TASP1: variants seen among roughly 807,000 people sequenced by gnomAD.
TASP1 encodes the protein taspase 1.
A neutral mutation model predicts 56.6 loss-of-function variants in TASP1; 16 were observed. That is an observed-to-expected ratio of 0.28 (90% confidence interval 0.19 to 0.43). The LOEUF (loss-of-function observed/expected upper bound fraction) is 0.43, where lower values mean the gene tolerates loss of function less well. TASP1 is among the 20% of genes least tolerant of loss of function. TASP1 has a pLI of 1.00. For synonymous variants in TASP1, 179 were observed against 184.2 expected (o/e 0.97, Z 0.23); for missense variants, 393 against 511.6 (o/e 0.77, Z 2.24).
At chr20:13,384,198 T>A in the TASP1 span, among the ~76,000 whole-genome samples, 3 of 152,176 alleles carry the variant, frequency 2.0e-5, no homozygotes, top group East Asian at 5.8e-4. Context: ...TTTTTTTCTT[T>A]TAGGCTTCTG....
the TASP1 span, among the ~76,000 whole-genome samples, chr20:13,255,412 G>A: frequency 1.3e-5 from 2 of 151,960 alleles, no homozygotes; most frequent in East Asian, 3.8e-4. Context: ...CCAGAAACTG[G>A]ACAAAAATAA....
chr20:13,264,982 A>G, the TASP1 span, among the ~76,000 whole-genome samples: 1 of 152,198 alleles, frequency 6.6e-6, no homozygotes, highest in East Asian at 1.9e-4. Flanking sequence ...CTAGTGGACA[A>G]GTCACAGCGC....
At chr20:13,376,801 G>C in the TASP1 span, among the ~76,000 whole-genome samples, 1 of 152,118 alleles carries the variant, frequency 6.6e-6, no homozygotes, top group Non-Finnish European at 1.5e-5. Context: ...CACAACCCTT[G>C]TAAGTTGTAT....
chr20:13,315,410 T>G, the TASP1 span, among the ~76,000 whole-genome samples: 1 of 151,954 alleles, frequency 6.6e-6, no homozygotes, highest in Non-Finnish European at 1.5e-5. Flanking sequence ...AGAGTAGACT[T>G]AAGACCAAGG....
intron 12 of TASP1, among the ~76,000 whole-genome samples, chr20:13,434,529 CAGG>C (rs1373916327): frequency 6.6e-6 from 1 of 152,130 alleles, no homozygotes. Context: ...ACAGCTTTAT[CAGG>C]AGGCCAGGGC....
intron 5 of TASP1, among the ~76,000 whole-genome samples, chr20:13,582,728 A>G (rs2047170179): frequency 6.6e-6 from 1 of 152,218 alleles, no homozygotes; most frequent in Admixed American, 6.5e-5. Flanking sequence ...AGGGAGAAAG[A>G]ACACAAAGGT....
At chr20:13,393,232 C>T in intron 13 of TASP1, 1 of 732,142 alleles carries the variant, frequency 1.4e-6, no homozygotes. Context: ...ACCCAGAAGA[C>T]TGTGGATGGC....
At chr20:13,619,479 T>C (rs1386999800) in intron 4 of TASP1, among the ~76,000 whole-genome samples, 3 of 152,204 alleles carry the variant, frequency 2.0e-5, no homozygotes, top group African/African-American at 7.2e-5. Flanking sequence ...TAGTTCATTT[T>C]CTATCAGAAT....
At chr20:13,579,056 G>T (rs949262619) in intron 6 of TASP1, among the ~76,000 whole-genome samples, 6 of 152,064 alleles carry the variant, frequency 3.9e-5, no homozygotes, top group Non-Finnish European at 8.8e-5. Context: ...TATTTTTCTT[G>T]CCAACCAAAC....
intron 13 of TASP1, among the ~76,000 whole-genome samples, chr20:13,403,485 C>T (rs1475888440): frequency 6.6e-6 from 1 of 152,166 alleles, no homozygotes; most frequent in Non-Finnish European, 1.5e-5. Context: ...ATAACAAATG[C>T]AGCATCTATT....
rs1438678436 is a variant in TASP1 at position 13,585,504 on chromosome 20, TA to T, written c.403+1745del. ...AATACTCCAACAAATCAATAAAAGA[TA>T]TAATCAAATAAAAATCTGCAAAAGA... On this transcript the variant is annotated intron_variant, in intron 5 of 13. Transcript: ENST00000337743. 7.2e-5 allele frequency among the ~76,000 whole-genome samples: 11 copies of T among 152,244 alleles called. 1 individual carries two copies. Among genetic ancestry groups the T allele is most frequent in the African/African-American group, 2.4e-4 (10 of 41,552 alleles).
the TASP1 span, among the ~76,000 whole-genome samples, chr20:13,367,938 T>A: frequency 6.6e-6 from 1 of 152,214 alleles, no homozygotes; most frequent in Admixed American, 6.5e-5. Flanking sequence ...GTTGCTTCTA[T>A]TTTATGGGGT....
the TASP1 span, among the ~76,000 whole-genome samples, chr20:13,158,318 C>T: frequency 1.3e-5 from 2 of 152,122 alleles, no homozygotes; most frequent in African/African-American, 4.8e-5. Context: ...AACTTAAGAA[C>T]ACTAGCTTTA....
chr20:13,419,353 G>A (rs1366084166), intron 12 of TASP1, among the ~76,000 whole-genome samples: 1 of 152,050 alleles, frequency 6.6e-6, no homozygotes, highest in Non-Finnish European at 1.5e-5. Flanking sequence ...GGAAAACACT[G>A]GTTGAATCTG....
chr20:13,403,790 G>T (rs1029615596), intron 13 of TASP1, among the ~76,000 whole-genome samples: 4 of 152,258 alleles, frequency 2.6e-5, no homozygotes, highest in East Asian at 1.9e-4. Flanking sequence ...GCTGAGGCTG[G>T]AGGATCTCTT....
At chr20:13,577,184 T>C (rs1219833503) in intron 6 of TASP1, among the ~76,000 whole-genome samples, 1 of 152,086 alleles carries the variant, frequency 6.6e-6, no homozygotes, top group African/African-American at 2.4e-5. Flanking sequence ...TCTTCTAACT[T>C]TGGAAAGATT....
At chr20:13,417,132 A>T (rs924437148) in intron 13 of TASP1, among the ~76,000 whole-genome samples, 1 of 151,968 alleles carries the variant, frequency 6.6e-6, no homozygotes, top group Non-Finnish European at 1.5e-5. Context: ...CTTCACTCCC[A>T]TTTTCTCTTC....
chr20:13,638,136 G>T (rs1407483782), intron 1 of TASP1, among the ~76,000 whole-genome samples: 1 of 152,102 alleles, frequency 6.6e-6, no homozygotes, highest in Non-Finnish European at 1.5e-5. Context: ...ACTGCTTTTT[G>T]TAAGTGGTGG....
the TASP1 span, among the ~76,000 whole-genome samples, chr20:13,170,987 C>T: frequency 6.6e-6 from 1 of 152,168 alleles, no homozygotes; most frequent in Admixed American, 6.6e-5. Context: ...GAATAAGGCT[C>T]TGTGTGTGAA....
Sources: allele counts gnomAD v4.1 joint callset (sites outside exome capture counted in the v4.1 genomes callset), GRCh38; gene constraint gnomAD v4.1.1; transcripts MANE v1.5; gene names NCBI Gene and HGNC (gene_info 2026-07-23, HGNC 2026-07-21).